The following MACROD2 variants were observed in gnomAD, a reference collection of about 807,000 sequenced individuals.
MACROD2 encodes the protein mono-ADP ribosylhydrolase 2.
A neutral mutation model predicts 70.4 loss-of-function variants in MACROD2; 36 were observed. That is an observed-to-expected ratio of 0.51 (90% CI 0.39 to 0.68). MACROD2 has a LOEUF of 0.68. Among genes scored for constraint, MACROD2 ranks in the 30% least tolerant of loss-of-function variants. The pLI is 0.00. For missense variants in MACROD2, 496 were observed against 538.4 expected (o/e 0.92, Z 0.78); for synonymous variants, 172 against 178.8 (o/e 0.96, Z 0.30).
chr20:14,830,875 C>T (rs761343092), intron 5 of MACROD2, among the ~76,000 whole-genome samples: 3 of 152,138 alleles, frequency 2.0e-5, no homozygotes, highest in Non-Finnish European at 4.4e-5. Flanking sequence ...CTGTGCTTTG[C>T]TGGCTAGAAA....
At chr20:14,920,582 C>G (rs2074150361) in intron 5 of MACROD2, among the ~76,000 whole-genome samples, 1 of 151,932 alleles carries the variant, frequency 6.6e-6, no homozygotes, top group African/African-American at 2.4e-5. Context: ...AGAACTTTTT[C>G]AAGGTATTTA....
intron 4 of MACROD2, among the ~76,000 whole-genome samples, chr20:14,500,748 C>T (rs1266149881): frequency 4.6e-5 from 7 of 152,354 alleles, no homozygotes; most frequent in Non-Finnish European, 5.9e-5. Context: ...GCTCCCACTT[C>T]TAAGTGAACC....
chr20:15,160,914 A>AC (rs2076343803), intron 5 of MACROD2, among the ~76,000 whole-genome samples: 1 of 151,852 alleles, frequency 6.6e-6, no homozygotes. Context: ...TATTTTGATT[A>AC]TTTTTTTTAC....
chr20:15,419,634 CTT>C (rs947295885), intron 6 of MACROD2, among the ~76,000 whole-genome samples: 1 of 152,182 alleles, frequency 6.6e-6, no homozygotes, highest in African/African-American at 2.4e-5. Flanking sequence ...AGCTGTGGGC[CTT>C]TTAGTCTCGA....
chr20:14,241,379 T>C (rs186515597), intron 3 of MACROD2, among the ~76,000 whole-genome samples: 3 of 152,278 alleles, frequency 2.0e-5, no homozygotes, highest in Non-Finnish European at 4.4e-5. Flanking sequence ...TTCATTCAGA[T>C]TGGTGTGTGA....
intron 5 of MACROD2, among the ~76,000 whole-genome samples, chr20:15,046,828 C>G (rs142011253): frequency 3.2e-4 from 48 of 152,306 alleles, no homozygotes; most frequent in Non-Finnish European, 6.0e-4. Context: ...TATTATACCT[C>G]ATAACTTTCT....
intron 4 of MACROD2, among the ~76,000 whole-genome samples, chr20:14,496,768 G>A (rs1387347597): frequency 2.0e-5 from 3 of 151,472 alleles, no homozygotes; most frequent in Non-Finnish European, 2.9e-5. Flanking sequence ...AGACAGTTAT[G>A]TACTAATTTC....
intron 3 of MACROD2, among the ~76,000 whole-genome samples, chr20:14,471,691 T>C (rs2084532632): frequency 6.6e-6 from 1 of 152,178 alleles, no homozygotes. Flanking sequence ...AAAACAAAAA[T>C]GAACCTTAGG....
intron 5 of MACROD2, among the ~76,000 whole-genome samples, chr20:15,144,644 C>T (rs1357028212): frequency 6.6e-6 from 1 of 152,150 alleles, no homozygotes; most frequent in Non-Finnish European, 1.5e-5. Context: ...ACTTTGCACT[C>T]TTTGTTAAAA....
chr20:15,287,698 T>TA, intron 6 of MACROD2, among the ~76,000 whole-genome samples: 1 of 152,348 alleles, frequency 6.6e-6, no homozygotes, highest in East Asian at 1.9e-4. Flanking sequence ...TTCTTTGTCT[T>TA]ACTTGCTCGC....
intron 7 of MACROD2, among the ~76,000 whole-genome samples, chr20:15,449,704 G>T (rs1162463087): frequency 6.6e-6 from 1 of 151,952 alleles, no homozygotes; most frequent in African/African-American, 2.4e-5. Context: ...TTTTAAACAT[G>T]CACAGAGGCT....
chr20:15,519,424 G>A (rs1359136037), intron 8 of MACROD2, among the ~76,000 whole-genome samples: 4 of 152,186 alleles, frequency 2.6e-5, no homozygotes, highest in Non-Finnish European at 5.9e-5. Context: ...GTGCCCAGCC[G>A]TTTCTCTGTT....
chr20:14,650,735 A>C (rs191690764), intron 4 of MACROD2, among the ~76,000 whole-genome samples: 287 of 152,292 alleles, frequency 1.9e-3, no homozygotes, highest in African/African-American at 6.5e-3. Context: ...GCAGATATAA[A>C]CCCCTTCCAT....
intron 2 of MACROD2, among the ~76,000 whole-genome samples, chr20:14,045,122 C>T (rs887521336): frequency 2.6e-5 from 4 of 152,264 alleles, no homozygotes; most frequent in African/African-American, 7.2e-5. Context: ...TTCGGCTGGC[C>T]TGCAAGCGCT....
intron 2 of MACROD2, among the ~76,000 whole-genome samples, chr20:14,008,291 A>C (rs951797262): frequency 6.6e-6 from 1 of 152,214 alleles, no homozygotes; most frequent in African/African-American, 2.4e-5. Flanking sequence ...ATACAAAATA[A>C]ATGCATACAA....
chr20:14,503,131 G>A (rs1187799895), intron 4 of MACROD2, among the ~76,000 whole-genome samples: 2 of 152,174 alleles, frequency 1.3e-5, no homozygotes, highest in African/African-American at 4.8e-5. Context: ...GCACTGGGGA[G>A]GAACAAGGGA....
intron 5 of MACROD2, among the ~76,000 whole-genome samples, chr20:14,957,970 G>C (rs905975361): frequency 5.9e-5 from 9 of 151,882 alleles, no homozygotes; most frequent in African/African-American, 9.7e-5. Flanking sequence ...CTATTAGGTT[G>C]GTGCAAAAAT....
At chr20:14,055,388 C>T (rs2053620389) in intron 2 of MACROD2, among the ~76,000 whole-genome samples, 1 of 150,784 alleles carries the variant, frequency 6.6e-6, no homozygotes, top group African/African-American at 2.4e-5. Context: ...CAGTCTTTCT[C>T]TTTTGACTCT....
At chr20:14,684,101 C>T (rs1037674839) in intron 4 of MACROD2, among the ~76,000 whole-genome samples, 5 of 152,154 alleles carry the variant, frequency 3.3e-5, no homozygotes, top group African/African-American at 7.2e-5. Flanking sequence ...AGGCTGGTCA[C>T]GGGCACAAAG....
Sources: allele counts gnomAD v4.1 joint callset (sites outside exome capture counted in the v4.1 genomes callset), GRCh38; gene constraint gnomAD v4.1.1; transcripts MANE v1.5; gene names NCBI Gene and HGNC (gene_info 2026-07-23, HGNC 2026-07-21).